The following COL24A1 variants were observed in gnomAD, a reference collection of about 807,000 sequenced individuals.
COL24A1 encodes the protein collagen alpha-1(XXIV) chain.
In COL24A1, 224 loss-of-function variants were observed where a neutral mutation model predicts 253.9. That is an observed-to-expected ratio of 0.88 (90% CI 0.79 to 0.99). COL24A1 has a LOEUF of 0.99. COL24A1 is among the 50% of genes least tolerant of loss of function. The pLI is 0.00. For missense variants in COL24A1, 2,131 were observed against 2,068.5 expected, an observed-to-expected ratio of 1.03 and a Z score of -0.59; for synonymous variants, 685 against 673.7, an observed-to-expected ratio of 1.02 and a Z score of -0.26.
intron 4 of COL24A1, 48 bp from the exon 5 acceptor site, chr1:86,112,668 A>G: frequency 1.3e-6 from 2 of 1,531,550 alleles, no homozygotes; most frequent in African/African-American, 1.4e-5. Flanking sequence ...ACTGGAATGG[A>G]ACAAAGTACA....
chr1:85,924,387 A>AT (rs1338227727), intron 24 of COL24A1, among the ~76,000 whole-genome samples: 3 of 152,222 alleles, frequency 2.0e-5, no homozygotes, highest in Non-Finnish European at 4.4e-5. Context: ...TTTTAGACCA[A>AT]TATCCCTGAT....
chr1:85,908,470 A>G (rs1021364014), intron 27 of COL24A1, 128 bp downstream of exon 27: 1 of 515,676 alleles, frequency 1.9e-6, no homozygotes. Context: ...TAGTTGGGAG[A>G]GAAGCAGTCT....
At chr1:85,840,902 G>A (rs1676538277) in intron 42 of COL24A1, among the ~76,000 whole-genome samples, 1 of 152,046 alleles carries the variant, frequency 6.6e-6, no homozygotes, top group Non-Finnish European at 1.5e-5. Flanking sequence ...ACAGAAATAT[G>A]TATCCTAAAA....
intron 37 of COL24A1, among the ~76,000 whole-genome samples, 158 bp from the exon 38 acceptor site, chr1:85,849,564 G>A (rs1677518892): frequency 6.6e-6 from 1 of 152,042 alleles, no homozygotes; most frequent in East Asian, 1.9e-4. Flanking sequence ...TTAAAAAGAG[G>A]TCACAATGAC....
At chr1:86,101,836 A>G (rs1160746964) in intron 5 of COL24A1, among the ~76,000 whole-genome samples, 1 of 152,038 alleles carries the variant, frequency 6.6e-6, no homozygotes, top group Non-Finnish European at 1.5e-5. Context: ...GGATGTTGGC[A>G]TACAGTTTTC....
intron 7 of COL24A1, among the ~76,000 whole-genome samples, chr1:86,082,487 C>T (rs1702712616): frequency 6.6e-6 from 1 of 151,886 alleles, no homozygotes; most frequent in African/African-American, 2.4e-5. Flanking sequence ...TCCCTGATTC[C>T]TGTATCCATC....
At chr1:86,129,830 A>G (rs961311069) in intron 2 of COL24A1, among the ~76,000 whole-genome samples, 1 of 151,854 alleles carries the variant, frequency 6.6e-6, no homozygotes, top group Non-Finnish European at 1.5e-5. Flanking sequence ...ACATTTCATA[A>G]GCACTCGGAA....
intron 24 of COL24A1, among the ~76,000 whole-genome samples, chr1:85,915,846 G>A (rs1685845857): frequency 1.3e-5 from 2 of 151,992 alleles, no homozygotes. Flanking sequence ...CAGAGATGGG[G>A]TTTCACCATG....
chr1:85,880,668 T>TA (rs1439323011), intron 32 of COL24A1, among the ~76,000 whole-genome samples: 1 of 152,076 alleles, frequency 6.6e-6, no homozygotes, highest in Non-Finnish European at 1.5e-5. Context: ...TAAGGTTTTT[T>TA]AAAAAATATG....
chr1:85,894,376 T>C (rs1683440826), intron 31 of COL24A1, among the ~76,000 whole-genome samples: 1 of 152,196 alleles, frequency 6.6e-6, no homozygotes, highest in African/African-American at 2.4e-5. Flanking sequence ...TTTTATTTAA[T>C]TGAGAAAGTC....
Position 86,125,740 on chromosome 1 carries a change from GA to G in COL24A1, c.595del (p.Ser199LeufsTer7). ...ACTTCCTAAAGTAAACACACTATTAGAATCAAAGGTCTGAACTTCTGGAATA... is the reference window on the plus strand; with the variant it reads ...ACTTCCTAAAGTAAACACACTATTAGATCAAAGGTCTGAACTTCTGGAATA... ...ETIPEVQTFD[S>X]NSVFTLGSMN... On this transcript the variant is annotated frameshift_variant, in exon 3 of 60. Transcript: ENST00000370571. LOFTEE classifies it high-confidence loss of function. 6.2e-7 allele frequency: 1 copy of G among 1,611,000 alleles called. No individual in the cohort carries two copies. The highest frequency in any genetic ancestry group is 8.5e-7 in the Non-Finnish European group (1 of 1,178,722).
At chr1:86,105,038 G>A (rs1704833280) in intron 5 of COL24A1, among the ~76,000 whole-genome samples, 1 of 152,218 alleles carries the variant, frequency 6.6e-6, no homozygotes, top group Admixed American at 6.5e-5. Flanking sequence ...CTCCGTACAT[G>A]TTCACACAGG....
chr1:85,887,801 T>C (rs1682684438), intron 32 of COL24A1, among the ~76,000 whole-genome samples: 1 of 152,134 alleles, frequency 6.6e-6, no homozygotes, highest in African/African-American at 2.4e-5. Context: ...CTTGTGCAGT[T>C]TCAACCTTTT....
intron 19 of COL24A1, among the ~76,000 whole-genome samples, chr1:85,999,407 CAGA>C (rs1385153638): frequency 6.6e-6 from 1 of 152,006 alleles, no homozygotes; most frequent in Non-Finnish European, 1.5e-5. Context: ...GGCAGATAGG[CAGA>C]TAGCTTGACT....
intron 53 of COL24A1, among the ~76,000 whole-genome samples, chr1:85,763,732 T>G (rs1013117818): frequency 6.6e-6 from 1 of 151,974 alleles, no homozygotes; most frequent in Admixed American, 6.5e-5. Flanking sequence ...TGGCCTCAAG[T>G]GATCCACCTG....
chr1:86,031,948 T>TTATTTTGCAATTGCAAAATTGCAAA, intron 13 of COL24A1, 26 bp from the exon 14 acceptor site: 1 of 1,591,630 alleles, frequency 6.3e-7, no homozygotes, highest in Non-Finnish European at 8.6e-7. Context: ...TTTGCAATAC[T>TTATTTTGCAATTGCAAAATTGCAAA]TATTAAATTT....
chr1:85,902,979 G>T (rs1181832847), intron 28 of COL24A1, among the ~76,000 whole-genome samples: 1 of 151,932 alleles, frequency 6.6e-6, no homozygotes, highest in Non-Finnish European at 1.5e-5. Flanking sequence ...ACCCTGACTT[G>T]CTTACTATTC....
chr1:86,108,620 T>TAAAAAAAAAAAAAAAAAA (rs55852463), intron 5 of COL24A1, among the ~76,000 whole-genome samples: 21 of 83,098 alleles, frequency 2.5e-4, no homozygotes, highest in African/African-American at 1.0e-3. Context: ...CCATCTCTAC[T>TAAAAAAAAAAAAAAAAAA]AAAAAAAAAA....
intron 32 of COL24A1, among the ~76,000 whole-genome samples, chr1:85,881,817 T>C (rs1681879054): frequency 6.6e-6 from 1 of 152,142 alleles, no homozygotes; most frequent in Non-Finnish European, 1.5e-5. Flanking sequence ...TGTTCTCTAT[T>C]GTTTTCCTGT....
Sources: gnomAD v4.1 joint callset for allele counts (sites outside exome capture counted in the v4.1 genomes callset) on GRCh38, gnomAD v4.1.1 for gene constraint, MANE v1.5 for transcripts, NCBI Gene and HGNC (gene_info 2026-07-23, HGNC 2026-07-21) for gene names.